ALG14: variants seen among roughly 807,000 people sequenced by gnomAD.
ALG14 encodes UDP-N-acetylglucosamine transferase subunit ALG14.
Under a neutral mutation model 22.8 loss-of-function variants are expected in ALG14, and 17 were observed. That is an observed-to-expected ratio of 0.75 (90% CI 0.51 to 1.12). The LOEUF (loss-of-function observed/expected upper bound fraction) is 1.12, where lower values mean the gene tolerates loss of function less well. Ranked by LOEUF, ALG14 falls within the 50% of genes most tolerant of loss-of-function variation. The pLI is 0.00. For missense variants in ALG14, 288 were observed against 271.8 expected (o/e 1.06, Z -0.42); for synonymous variants, 89 against 103.7 (o/e 0.86, Z 0.86).
Position 94,983,027 on chromosome 1 carries a change from T to C in ALG14, c.*49A>G. On this transcript the variant is annotated 3_prime_UTR_variant, in exon 4 of 4. Transcript: ENST00000370205. ...AGGGTTTTTTTCCCCCCAATTTGAG[T>C]ACATACTACTGTTAACTGCAAAATT... is the stretch of plus-strand genomic sequence containing the variant. 1.3e-6 allele frequency: 2 copies of C among 1,522,728 alleles called. No individual in the cohort carries two copies. The highest frequency in any genetic ancestry group is 1.1e-5 in the South Asian group (1 of 88,548). 94.3% of individuals were successfully genotyped at this position (1,522,728 alleles called of 1,614,324 possible). A position where few individuals can be genotyped will look rare whatever the true frequency, so the allele number is the denominator to read the frequency against.
At chr1:95,001,582 G>A (rs956566785) in intron 3 of ALG14, among the ~76,000 whole-genome samples, 4 of 152,082 alleles carry the variant, frequency 2.6e-5, no homozygotes, top group African/African-American at 9.7e-5. Flanking sequence ...TGCAACCTCC[G>A]CCTCCCGGGC....
intron 3 of ALG14, among the ~76,000 whole-genome samples, chr1:94,999,705 G>A (rs1258665164): frequency 1.3e-5 from 2 of 152,154 alleles, no homozygotes; most frequent in Non-Finnish European, 2.9e-5. Flanking sequence ...ATTCCTCATG[G>A]AAACCTTCTT....
chr1:94,985,051 A>T (rs187460430), intron 3 of ALG14, among the ~76,000 whole-genome samples: 1 of 152,290 alleles, frequency 6.6e-6, no homozygotes, highest in African/African-American at 2.4e-5. Context: ...GAGAAAAGGC[A>T]GGCACACAGA....
chr1:95,034,660 A>ACC (rs1320359161), intron 2 of ALG14, among the ~76,000 whole-genome samples: 1 of 151,812 alleles, frequency 6.6e-6, no homozygotes, highest in Non-Finnish European at 1.5e-5. Flanking sequence ...CTGCTGACTC[A>ACC]CCTCCTTCTC....
At chr1:95,024,266 C>T (rs549350411) in intron 3 of ALG14, among the ~76,000 whole-genome samples, 2 of 152,226 alleles carry the variant, frequency 1.3e-5, no homozygotes, top group East Asian at 1.9e-4. Flanking sequence ...CATGAGCGAC[C>T]GCGCCCGGCC....
intron 2 of ALG14, among the ~76,000 whole-genome samples, chr1:95,051,978 T>G (rs191382684): frequency 6.6e-6 from 1 of 152,228 alleles, no homozygotes; most frequent in African/African-American, 2.4e-5. Context: ...GCCACTAGAA[T>G]GTAGCCTCCA....
At chr1:95,036,558 TTGGG>T (rs2100788343) in intron 2 of ALG14, among the ~76,000 whole-genome samples, 1 of 150,278 alleles carries the variant, frequency 6.7e-6, no homozygotes, top group South Asian at 2.1e-4. Flanking sequence ...TCTCAAGTAG[TTGGG>T]ATTACAGGTA....
intron 2 of ALG14, 126 bp from the exon 3 acceptor site, chr1:95,027,386 T>A: frequency 8.6e-7 from 1 of 1,163,940 alleles, no homozygotes; most frequent in South Asian, 1.5e-5. Flanking sequence ...TAACCACTTT[T>A]AAATTAGAGT....
chr1:95,028,813 G>GA (rs996605279), intron 2 of ALG14, among the ~76,000 whole-genome samples: 11 of 151,480 alleles, frequency 7.3e-5, no homozygotes, highest in Non-Finnish European at 1.0e-4. Flanking sequence ...AAAAGAAAAA[G>GA]AAAAAAAATC....
chr1:95,067,345 C>T (rs1675407436), intron 1 of ALG14: 1 of 152,228 alleles, frequency 6.6e-6, no homozygotes. Flanking sequence ...TTATGTAACC[C>T]TCCCCATTTT....
intron 3 of ALG14, among the ~76,000 whole-genome samples, chr1:94,990,869 A>G (rs926168962): frequency 3.3e-5 from 5 of 152,378 alleles, no homozygotes; most frequent in African/African-American, 1.2e-4. Flanking sequence ...AAGAACAGTA[A>G]ACTTCGGTTC....
rs139234090 is a variant in ALG14 at position 95,058,477 on chromosome 1, C to T, written c.288+6389G>A. Among the ~76,000 whole-genome samples the T allele has an allele frequency of 7.7e-3, 1,157 of 150,336 alleles. 12 individuals carry two copies. The highest frequency in any genetic ancestry group is 0.026 in the African/African-American group (1,065 of 40,914). ...AATAATACCAAAAAAATTAGCTGGG[C>T]GCCGTGGCACATGCCTGTAATCCCG... is the stretch of plus-strand genomic sequence containing the variant. On this transcript the variant is annotated intron_variant, in intron 2 of 3. Transcript: ENST00000370205.
At chr1:94,993,708 C>T (rs764771313) in intron 3 of ALG14, among the ~76,000 whole-genome samples, 1 of 152,178 alleles carries the variant, frequency 6.6e-6, no homozygotes, top group Non-Finnish European at 1.5e-5. Flanking sequence ...CATTTCAAAA[C>T]AAGAGTTGTC....
intron 3 of ALG14, among the ~76,000 whole-genome samples, chr1:94,997,750 T>C (rs1045970088): frequency 6.6e-6 from 1 of 152,244 alleles, no homozygotes; most frequent in East Asian, 1.9e-4. Flanking sequence ...GCACGTCTTA[T>C]ATTTGCTGCT....
intron 3 of ALG14, among the ~76,000 whole-genome samples, chr1:95,014,136 A>G (rs181691925): frequency 1.3e-5 from 2 of 152,316 alleles, no homozygotes; most frequent in Admixed American, 6.5e-5. Context: ...TTAGGGTTTC[A>G]GTACAGCATT....
chr1:95,045,961 AAT>A (rs1674542212), intron 2 of ALG14, among the ~76,000 whole-genome samples: 1 of 148,594 alleles, frequency 6.7e-6, no homozygotes, highest in Admixed American at 6.8e-5. Context: ...TTAGTATACT[AAT>A]AGAATAGTAT....
At chr1:95,044,098 A>G (rs1246353734) in intron 2 of ALG14, among the ~76,000 whole-genome samples, 1 of 152,210 alleles carries the variant, frequency 6.6e-6, no homozygotes, top group East Asian at 1.9e-4. Flanking sequence ...ACAGCTTTGT[A>G]GTCATGTTTG....
chr1:95,062,576 T>C (rs1675203483), intron 2 of ALG14, among the ~76,000 whole-genome samples: 1 of 152,224 alleles, frequency 6.6e-6, no homozygotes, highest in Non-Finnish European at 1.5e-5. Context: ...TGCATTAGTT[T>C]GCTGAGGATA....
chr1:94,983,414 A>G lies in ALG14; in HGVS notation c.421-108T>C, dbSNP rs1215881238. 6.6e-6 allele frequency: 6 copies of G among 903,820 alleles called. No individual in the cohort carries two copies. In the African/African-American group the frequency reaches 6.7e-5, roughly 10 times the overall value. 56.0% of individuals were successfully genotyped at this position (903,820 alleles called of 1,614,324 possible). ...CAGAGGGGATCTGCTTATGATTCTA[A>G]TAAGTCCTTCTCTGTCAAGAACCAG... is the stretch of plus-strand genomic sequence containing the variant. On this transcript the variant is annotated intron_variant, in intron 3 of 3. Coordinates refer to ENST00000370205, the MANE Select transcript of ALG14 (RefSeq NM_144988.4).
Sources: allele counts gnomAD v4.1 joint callset (sites outside exome capture counted in the v4.1 genomes callset), GRCh38; gene constraint gnomAD v4.1.1; transcripts MANE v1.5; gene names NCBI Gene and HGNC (gene_info 2026-07-23, HGNC 2026-07-21).